Variants in PTPRD observed in about 807,000 individuals in gnomAD.
PTPRD encodes receptor-type tyrosine-protein phosphatase delta.
In PTPRD, 34 loss-of-function variants were observed where a neutral mutation model predicts 214.5. That is an observed-to-expected ratio of 0.16 (90% confidence interval 0.12 to 0.21). The LOEUF is 0.21. Ranked by LOEUF, PTPRD falls within the 10% of genes least tolerant of loss-of-function variation. The pLI is 1.00. For synonymous variants in PTPRD, 1,128 were observed against 845.7 expected, an observed-to-expected ratio of 1.33 and a Z score of -5.79; for missense variants, 2,545 against 2,398.7, an observed-to-expected ratio of 1.06 and a Z score of -1.27.
chr9:9,041,618 C>T (rs1411762856), intron 10 of PTPRD, among the ~76,000 whole-genome samples: 15 of 152,086 alleles, frequency 9.9e-5, no homozygotes, highest in Non-Finnish European at 1.5e-5. Context: ...AATAAGGAAA[C>T]AGAACTATAC....
intron 14 of PTPRD, among the ~76,000 whole-genome samples, chr9:8,530,624 G>C (rs1204013441): frequency 2.0e-5 from 3 of 152,004 alleles, no homozygotes; most frequent in African/African-American, 7.2e-5. Flanking sequence ...CAGATTTTAA[G>C]AGAAACTCCA....
intron 3 of PTPRD, among the ~76,000 whole-genome samples, chr9:10,198,344 G>A (rs1336513842): frequency 6.6e-6 from 1 of 152,150 alleles, no homozygotes; most frequent in Non-Finnish European, 1.5e-5. Context: ...TGAAAAACAG[G>A]AGTAGTGGTC....
At chr9:9,956,518 A>G (rs2093944571) in intron 4 of PTPRD, among the ~76,000 whole-genome samples, 2 of 152,188 alleles carry the variant, frequency 1.3e-5, no homozygotes, top group Non-Finnish European at 2.9e-5. Context: ...AGAGAAACCC[A>G]TAATATTAAA....
chr9:8,564,055 G>C (rs1451519467), intron 14 of PTPRD, among the ~76,000 whole-genome samples: 1 of 152,190 alleles, frequency 6.6e-6, no homozygotes, highest in Non-Finnish European at 1.5e-5. Context: ...TGATGTCCCA[G>C]GCTAGAGATA....
At chr9:10,112,633 TAA>T (rs1352883336) in intron 3 of PTPRD, among the ~76,000 whole-genome samples, 62 of 152,206 alleles carry the variant, frequency 4.1e-4, no homozygotes, top group Admixed American at 3.9e-3. Context: ...ACTTCTCAGA[TAA>T]AGTTAATTTG....
intron 6 of PTPRD, 107 bp from the exon 7 acceptor site, chr9:9,734,678 C>A (rs1459949132): frequency 6.6e-6 from 1 of 152,084 alleles, no homozygotes; most frequent in African/African-American, 2.4e-5. Flanking sequence ...TTTACAAGTA[C>A]TGCTGGCTGA....
rs374140735 is a variant in PTPRD at position 8,733,816 on chromosome 9, G to A, written c.28C>T (p.Leu10=). 1 of 1,552,924 alleles carries A rather than the reference G, an allele frequency of 6.4e-7. No individual in the cohort carries two copies. ...GTGCGGAGGAAGAAAGTGAGGAGCAGCAGCAGCAGCCTGGCTACGTGCACC... is the reference window on the plus strand; with the variant it reads ...GTGCGGAGGAAGAAAGTGAGGAGCAACAGCAGCAGCCTGGCTACGTGCACC... MVHVARLLL[L]LLTFFLRTDA... The change falls in exon 12 of 46, where the codon CTG becomes TTG. Residue 10 remains leucine, a synonymous_variant. Coordinates refer to ENST00000381196, the MANE Select transcript of PTPRD (RefSeq NM_002839.4).
intron 4 of PTPRD, among the ~76,000 whole-genome samples, chr9:9,951,900 T>A (rs750765976): frequency 3.3e-5 from 5 of 152,230 alleles, no homozygotes; most frequent in Non-Finnish European, 7.3e-5. Context: ...TTGATACCCA[T>A]CATTTACTCA....
At chr9:9,613,923 A>G (rs1004301836) in intron 7 of PTPRD, among the ~76,000 whole-genome samples, 3 of 152,162 alleles carry the variant, frequency 2.0e-5, no homozygotes, top group Admixed American at 6.5e-5. Context: ...AGACAGACAG[A>G]TAACTCTTCA....
At position 9,164,850 on chromosome 9, in the gene PTPRD, TAAAACAAAAC is replaced by T. The variant is rs80164907; in HGVS notation, c.-143+18444_-143+18453del. Among the ~76,000 whole-genome samples the T allele has an allele frequency of 4.6e-3, 673 of 147,014 alleles. 5 individuals carry two copies. Among genetic ancestry groups the T allele is most frequent in the Middle Eastern group, 0.014 (4 of 286 alleles). On this transcript the variant is annotated intron_variant, in intron 10 of 45. Transcript: ENST00000381196. ...CAACATGATGAAATCCTGTCTCTACTAAAACAAAACAAAACAAAACAAAACAAAACAAAAC... is the reference window on the plus strand; with the variant it reads ...CAACATGATGAAATCCTGTCTCTACTAAAACAAAACAAAACAAAACAAAAC...
chr9:9,447,796 C>A (rs1007994264), intron 8 of PTPRD, among the ~76,000 whole-genome samples: 3 of 152,068 alleles, frequency 2.0e-5, no homozygotes, highest in Admixed American at 6.6e-5. Context: ...TGGAAGAACG[C>A]TGTTCTAGGG....
At chr9:9,235,687 A>C (rs1456087259) in intron 9 of PTPRD, among the ~76,000 whole-genome samples, 3 of 152,186 alleles carry the variant, frequency 2.0e-5, no homozygotes, top group Non-Finnish European at 4.4e-5. Context: ...AAAGCCAGAT[A>C]AAAAAGGTCA....
chr9:10,219,221 A>C lies in PTPRD; in HGVS notation c.-545+121742T>G, dbSNP rs544088977. Among the ~76,000 whole-genome samples, 10 of 151,864 alleles carry C rather than the reference A, an allele frequency of 6.6e-5. No homozygotes were observed. The South Asian group carries it at 2.1e-3, about 31-fold the overall frequency. The stretch of plus-strand genomic sequence containing the variant: ...GAACACTCCAATAAATCAAACCCTC[A>C]ATAGCATGTAAAGGTTTATAGTTAA... On this transcript the variant is annotated intron_variant, in intron 3 of 45. Transcript: ENST00000381196.
intron 7 of PTPRD, among the ~76,000 whole-genome samples, chr9:9,664,782 T>G (rs1165427624): frequency 1.3e-5 from 2 of 151,616 alleles, no homozygotes; most frequent in East Asian, 3.9e-4. Context: ...AGTGAATGAG[T>G]ACTTTCTACC....
At chr9:9,980,738 GAACA>G (rs1353297369) in intron 4 of PTPRD, among the ~76,000 whole-genome samples, 1 of 131,942 alleles carries the variant, frequency 7.6e-6, no homozygotes, top group Non-Finnish European at 1.6e-5. Context: ...CTGGATTACA[GAACA>G]TACAAAGAAT....
chr9:9,268,731 G>A (rs901438045), intron 9 of PTPRD, among the ~76,000 whole-genome samples: 1 of 149,588 alleles, frequency 6.7e-6, no homozygotes, highest in South Asian at 2.1e-4. Flanking sequence ...CATCTTCAAT[G>A]AAGATGCCAA....
intron 9 of PTPRD, among the ~76,000 whole-genome samples, chr9:9,328,216 C>A (rs553829466): frequency 2.4e-4 from 36 of 152,126 alleles, no homozygotes; most frequent in African/African-American, 8.2e-4. Context: ...TTTACCGGAG[C>A]TAATAGTAAA....
intron 3 of PTPRD, among the ~76,000 whole-genome samples, chr9:10,087,961 C>T (rs2098376323): frequency 6.6e-6 from 1 of 151,638 alleles, no homozygotes; most frequent in East Asian, 1.9e-4. Flanking sequence ...ATAAATTTTT[C>T]CCAAGATGAA....
At chr9:9,982,741 C>A (rs1311363675) in intron 4 of PTPRD, among the ~76,000 whole-genome samples, 1 of 151,250 alleles carries the variant, frequency 6.6e-6, no homozygotes, top group Admixed American at 6.6e-5. Flanking sequence ...AGCAAAAGGT[C>A]CTAAAAATTA....
Sources: allele counts gnomAD v4.1 joint callset (sites outside exome capture counted in the v4.1 genomes callset), GRCh38; gene constraint gnomAD v4.1.1; transcripts MANE v1.5; gene names NCBI Gene and HGNC (gene_info 2026-07-23, HGNC 2026-07-21).